The following EDARADD variants were observed in gnomAD, a reference collection of about 807,000 sequenced individuals.
EDARADD encodes EDAR associated via death domain.
EDARADD carries 20 observed loss-of-function variants against 25.6 expected under a neutral mutation model. The ratio of observed to expected loss-of-function variants is 0.78; its 90% confidence interval spans 0.55 to 1.14. The LOEUF is 1.14. EDARADD is among the 50% of genes most tolerant of loss of function. The probability of loss-of-function intolerance (pLI) is 0.00; values close to 1 mark genes in which losing one functional copy is unlikely to be tolerated. For missense variants in EDARADD, 225 were observed against 270.1 expected, an observed-to-expected ratio of 0.83 and a Z score of 1.17; for synonymous variants, 86 against 94.4, an observed-to-expected ratio of 0.91 and a Z score of 0.52.
intron 3 of EDARADD, among the ~76,000 whole-genome samples, chr1:236,423,764 T>G (rs186878679): frequency 6.6e-6 from 1 of 152,322 alleles, no homozygotes; most frequent in African/African-American, 2.4e-5. Flanking sequence ...CCAATCATTT[T>G]AGGCATGGGG....
At chr1:236,455,956 A>AT (rs1658849809) in intron 4 of EDARADD, among the ~76,000 whole-genome samples, 1 of 152,144 alleles carries the variant, frequency 6.6e-6, no homozygotes, top group Admixed American at 6.5e-5. Flanking sequence ...CGTCTGGCTC[A>AT]TCTTTTGTAT....
chr1:236,440,665 G>C (rs1322987695), intron 4 of EDARADD, among the ~76,000 whole-genome samples: 1 of 151,082 alleles, frequency 6.6e-6, no homozygotes, highest in Admixed American at 6.6e-5. Flanking sequence ...TGTTCACTTT[G>C]TGTCTCTGTG....
Position 236,381,362 on chromosome 1 carries a change from C to CT in EDARADD, c.-5-27851dup, listed in dbSNP as rs1221400926. Among the ~76,000 whole-genome samples the CT allele has an allele frequency of 2.7e-5, 4 of 150,258 alleles. No homozygotes were observed. In the South Asian group the frequency reaches 8.4e-4, roughly 32 times the overall value. On this transcript the variant is annotated intron_variant, in intron 3 of 7. Coordinates refer to the EDARADD transcript ENST00000439430. ...TATTTACTTTTTTATTATTATCATA[C>CT]TTTAAGTTCTAGGGTACATGTGCAC...
chr1:236,469,456 G>C (rs957024596), intron 5 of EDARADD, among the ~76,000 whole-genome samples: 2 of 152,036 alleles, frequency 1.3e-5, no homozygotes, highest in Non-Finnish European at 2.9e-5. Flanking sequence ...CTGGGTGACA[G>C]AGCAAGACTC....
intron 3 of EDARADD, among the ~76,000 whole-genome samples, chr1:236,384,878 T>C (rs1667334740): frequency 6.6e-6 from 1 of 152,142 alleles, no homozygotes; most frequent in Admixed American, 6.6e-5. Flanking sequence ...TTTACACTTA[T>C]ATTGAATTAT....
intron 4 of EDARADD, among the ~76,000 whole-genome samples, chr1:236,458,258 C>T (rs918557196): frequency 3.3e-5 from 5 of 152,322 alleles, no homozygotes; most frequent in African/African-American, 1.2e-4. Context: ...GCGGGTAACT[C>T]CCATGCCCGT....
rs1159549045 is a variant in EDARADD at position 236,483,705 on chromosome 1, G to A, written c.*1056G>A. On this transcript the variant is annotated 3_prime_UTR_variant, in exon 6 of 6. Transcript: ENST00000334232. ...AGTCGGTGCAGCAAACTTCAGGGAAGCCATGCCCATTGGAGCGGAGGTTTA... is the reference window on the plus strand; with the variant it reads ...AGTCGGTGCAGCAAACTTCAGGGAAACCATGCCCATTGGAGCGGAGGTTTA... 6.4e-7 allele frequency: 1 copy of A among 1,564,430 alleles called. No individual in the cohort carries two copies. The highest frequency in any genetic ancestry group is 8.8e-7 in the Non-Finnish European group (1 of 1,136,590).
chr1:236,379,299 G>A (rs1489614471), intron 3 of EDARADD, among the ~76,000 whole-genome samples: 1 of 152,028 alleles, frequency 6.6e-6, no homozygotes, highest in African/African-American at 2.4e-5. Context: ...GAACCTGGGA[G>A]GCGGAGGTTG....
chr1:236,480,133 A>ATATATATCTATC (rs1553271650), intron 5 of EDARADD, among the ~76,000 whole-genome samples: 23 of 142,114 alleles, frequency 1.6e-4, no homozygotes, highest in African/African-American at 5.8e-4. Context: ...ATATATATAT[A>ATATATATCTATC]TATCACATTT....
chr1:236,351,898 A>G (rs1294310519), intron 3 of EDARADD, among the ~76,000 whole-genome samples: 1 of 151,992 alleles, frequency 6.6e-6, no homozygotes, highest in Non-Finnish European at 1.5e-5. Context: ...GAATTCCTGG[A>G]AAAAGGTGGA....
chr1:236,401,473 G>A (rs534966591), intron 1 of EDARADD, among the ~76,000 whole-genome samples: 7 of 152,276 alleles, frequency 4.6e-5, no homozygotes, highest in African/African-American at 1.4e-4. Context: ...GTCCTCGGCC[G>A]CCCCACCAGT....
intron 1 of EDARADD, among the ~76,000 whole-genome samples, chr1:236,402,128 AT>A (rs936826166): frequency 7.9e-5 from 12 of 152,014 alleles, no homozygotes; most frequent in Non-Finnish European, 1.5e-4. Flanking sequence ...TGCCCAGTTA[AT>A]TTTTTTATTT....
At chr1:236,469,777 A>AT (rs199848470) in intron 5 of EDARADD, among the ~76,000 whole-genome samples, 2 of 151,034 alleles carry the variant, frequency 1.3e-5, no homozygotes, top group African/African-American at 2.4e-5. Context: ...GTTCTGGGTG[A>AT]TTTTTTTTTC....
At chr1:236,390,970 T>C (rs762242750), upstream of EDARADD, among the ~76,000 whole-genome samples, 3 of 151,910 alleles carry the variant, frequency 2.0e-5, no homozygotes, top group Admixed American at 6.6e-5. Flanking sequence ...TTTTTTGAGA[T>C]GGAGTCTCAC....
intron 3 of EDARADD, 36 bp downstream of exon 3, chr1:236,414,335 T>C: frequency 6.5e-7 from 1 of 1,540,806 alleles, no homozygotes; most frequent in Non-Finnish European, 9.0e-7. Context: ...GAACATGTGA[T>C]TATTTTAATA....
Position 236,394,410 on chromosome 1 carries a change from C to T in EDARADD, c.-35C>T. On this transcript the variant is annotated 5_prime_UTR_variant, in exon 1 of 6. Coordinates refer to ENST00000334232, the MANE Select transcript of EDARADD (RefSeq NM_145861.4). ...AATCTGTTGCTTCTTCCATGGCAAA[C>T]TCCAGAGAATTAAGAAGCCAAACTC... 6.2e-7 allele frequency: 1 copy of T among 1,612,150 alleles called. No individual in the cohort carries two copies. The highest frequency in any genetic ancestry group is 8.5e-7 in the Non-Finnish European group (1 of 1,178,226).
chr1:236,420,723 G>C, intron 3 of EDARADD, among the ~76,000 whole-genome samples: 1 of 152,148 alleles, frequency 6.6e-6, no homozygotes, highest in East Asian at 1.9e-4. Flanking sequence ...ACTGGAATTT[G>C]ATATCACGTT....
Position 236,483,791 on chromosome 1 carries a change from T to G in EDARADD, c.*1142T>G. The G allele has an allele frequency of 6.9e-7, 1 of 1,455,516 alleles. No homozygotes were observed. The highest frequency in any genetic ancestry group is 1.7e-5 in the Admixed American group (1 of 59,560). 90.2% of individuals were successfully genotyped at this position (1,455,516 alleles called of 1,614,324 possible). A position where few individuals can be genotyped will look rare whatever the true frequency, so the allele number is the denominator to read the frequency against. ...GGAAAGATGCCACCGGTGTGGGGGA[T>G]GGAGGCGCGTTTGCTCCCAACATCC... On this transcript the variant is annotated 3_prime_UTR_variant, in exon 6 of 6. Transcript: ENST00000334232.
chr1:236,351,202 C>A (rs1029314773), intron 3 of EDARADD, among the ~76,000 whole-genome samples: 1 of 152,152 alleles, frequency 6.6e-6, no homozygotes, highest in African/African-American at 2.4e-5. Context: ...ATTCACTGGG[C>A]AGCTTGAATC....
Sources: gnomAD v4.1 joint callset for allele counts (sites outside exome capture counted in the v4.1 genomes callset) on GRCh38, gnomAD v4.1.1 for gene constraint, MANE v1.5 for transcripts, NCBI Gene and HGNC (gene_info 2026-07-23, HGNC 2026-07-21) for gene names.